Variants in MTA3 observed in about 807,000 individuals in gnomAD.
MTA3 encodes the protein metastasis associated 1 family member 3.
MTA3 carries 34 observed loss-of-function variants against 83.5 expected under a neutral mutation model. That is an observed-to-expected ratio of 0.41 (90% confidence interval 0.31 to 0.54). The LOEUF is 0.54. Among genes scored for constraint, MTA3 ranks in the 20% least tolerant of loss-of-function variants. The pLI is 0.33. For synonymous variants in MTA3, 303 were observed against 252.7 expected, an observed-to-expected ratio of 1.20 and a Z score of -1.89; for missense variants, 761 against 726.4, an observed-to-expected ratio of 1.05 and a Z score of -0.55.
At chr2:42,690,856 TTTTA>T (rs35037034) in intron 9 of MTA3, among the ~76,000 whole-genome samples, 55,081 of 135,866 alleles carry the variant, frequency 0.41, 12,501 homozygotes, top group African/African-American at 0.62. Context: ...TGTATTTTTA[TTTTA>T]TTTATTTATT....
chr2:42,549,987 A>C (rs1677042147), intron 2 of MTA3, among the ~76,000 whole-genome samples: 1 of 151,816 alleles, frequency 6.6e-6, no homozygotes, highest in Non-Finnish European at 1.5e-5. Context: ...ACTTGTGTTC[A>C]AGGAACACTT....
chr2:42,712,785 G>C (rs1666729256), intron 14 of MTA3: 1 of 152,026 alleles, frequency 6.6e-6, no homozygotes, highest in African/African-American at 2.4e-5. Flanking sequence ...AATGATATGG[G>C]GAAGATAATC....
chr2:42,566,071 T>A (rs779055399), upstream of MTA3, among the ~76,000 whole-genome samples: 1 of 152,208 alleles, frequency 6.6e-6, no homozygotes. Context: ...AGTCATATTT[T>A]GTAACCCCTC....
At chr2:42,724,851 G>A (rs895752842) in intron 16 of MTA3, among the ~76,000 whole-genome samples, 5 of 152,288 alleles carry the variant, frequency 3.3e-5, no homozygotes, top group African/African-American at 1.2e-4. Flanking sequence ...AGGGCTGTTT[G>A]TTTCATTTCC....
intron 2 of MTA3, among the ~76,000 whole-genome samples, chr2:42,536,113 C>G (rs1177799246): frequency 7.4e-6 from 1 of 135,510 alleles, no homozygotes; most frequent in East Asian, 2.3e-4. Context: ...GTGAGACTCT[C>G]TCTCTCAAAA....
intron 8 of MTA3, among the ~76,000 whole-genome samples, chr2:42,677,543 G>T (rs186796657): frequency 4.6e-5 from 7 of 151,868 alleles, no homozygotes; most frequent in African/African-American, 1.4e-4. Flanking sequence ...GGTTTTCGCC[G>T]TGTTGTCCAG....
chr2:42,608,823 G>A (rs1179081779), intron 3 of MTA3, among the ~76,000 whole-genome samples: 2 of 152,104 alleles, frequency 1.3e-5, no homozygotes, highest in African/African-American at 2.4e-5. Flanking sequence ...GGTGGTGTTT[G>A]CAGTGAGCTG....
At chr2:42,514,316 A>T (rs908257349) in intron 2 of MTA3, among the ~76,000 whole-genome samples, 2 of 152,326 alleles carry the variant, frequency 1.3e-5, no homozygotes, top group African/African-American at 4.8e-5. Context: ...CTCACTATTT[A>T]TATGATGCTT....
intron 16 of MTA3, among the ~76,000 whole-genome samples, chr2:42,736,069 C>T (rs142839082): frequency 3.9e-5 from 6 of 152,178 alleles, no homozygotes; most frequent in East Asian, 1.9e-4. Flanking sequence ...CTTGTTTGTC[C>T]GCATCCTTCT....
intron 14 of MTA3, among the ~76,000 whole-genome samples, chr2:42,714,703 A>T (rs551911449): frequency 2.0e-5 from 3 of 152,046 alleles, no homozygotes; most frequent in Non-Finnish European, 2.9e-5. Context: ...ATGGAAGACA[A>T]TTTTTTCATG....
chr2:42,610,468 G>C (rs1032466686), intron 4 of MTA3, among the ~76,000 whole-genome samples: 1 of 152,106 alleles, frequency 6.6e-6, no homozygotes, highest in African/African-American at 2.4e-5. Context: ...CTCTAACATG[G>C]ACCACCCTTC....
At chr2:42,625,896 G>A (rs1686027505) in intron 4 of MTA3, among the ~76,000 whole-genome samples, 1 of 149,754 alleles carries the variant, frequency 6.7e-6, no homozygotes, top group Non-Finnish European at 1.5e-5. Context: ...TATCTTTTAT[G>A]CTGTAGTCTG....
intron 2 of MTA3, among the ~76,000 whole-genome samples, chr2:42,525,632 T>TCCTTCCC: frequency 8.7e-6 from 1 of 115,504 alleles, no homozygotes; most frequent in Non-Finnish European, 1.9e-5. Context: ...CCTACTTTCT[T>TCCTTCCC]TCTTTCTTTC....
intron 16 of MTA3, among the ~76,000 whole-genome samples, chr2:42,744,161 A>G (rs1669237920): frequency 6.6e-6 from 1 of 152,214 alleles, no homozygotes; most frequent in Non-Finnish European, 1.5e-5. Context: ...AGAGGGTTTC[A>G]GGCCTATTGA....
At chr2:42,602,928 T>A (rs750481728) in intron 3 of MTA3, among the ~76,000 whole-genome samples, 68 of 152,250 alleles carry the variant, frequency 4.5e-4, no homozygotes, top group African/African-American at 7.2e-4. Flanking sequence ...CTCATCAAGC[T>A]ACATGACATG....
intron 8 of MTA3, among the ~76,000 whole-genome samples, chr2:42,664,127 C>T (rs929924818): frequency 1.3e-5 from 2 of 152,014 alleles, no homozygotes; most frequent in Non-Finnish European, 2.9e-5. Flanking sequence ...TGGATTTAAG[C>T]GTCATTATTG....
At chr2:42,650,085 T>C (rs1688572156) in intron 6 of MTA3, among the ~76,000 whole-genome samples, 2 of 152,340 alleles carry the variant, frequency 1.3e-5, no homozygotes, top group South Asian at 2.1e-4. Flanking sequence ...TTCTTAACAA[T>C]GTAGTGGATA....
intron 4 of MTA3, among the ~76,000 whole-genome samples, chr2:42,613,016 A>T (rs1401989543): frequency 6.6e-6 from 1 of 152,224 alleles, no homozygotes; most frequent in Non-Finnish European, 1.5e-5. Context: ...AAATCTGTTT[A>T]TAAGTAACGT....
chr2:42,560,230 C>T (rs1340492733), intron 2 of MTA3, among the ~76,000 whole-genome samples: 1 of 151,892 alleles, frequency 6.6e-6, no homozygotes, highest in African/African-American at 2.4e-5. Context: ...CCATTTTGGC[C>T]AGGCTGGTCT....
Sources: allele counts gnomAD v4.1 joint callset (sites outside exome capture counted in the v4.1 genomes callset), GRCh38; gene constraint gnomAD v4.1.1; transcripts MANE v1.5; gene names NCBI Gene and HGNC (gene_info 2026-07-23, HGNC 2026-07-21).